The following MEIS1 variants were observed in gnomAD, a reference collection of about 807,000 sequenced individuals.
MEIS1 encodes the protein homeobox protein Meis1.
MEIS1 carries 5 observed loss-of-function variants against 50.8 expected under a neutral mutation model. That is an observed-to-expected ratio of 0.10 (90% confidence interval 0.05 to 0.21). The LOEUF is 0.21. Among genes scored for constraint, MEIS1 ranks in the 10% least tolerant of loss-of-function variants. MEIS1 has a pLI of 1.00. For synonymous variants in MEIS1, 176 were observed against 179.3 expected (o/e 0.98, Z 0.15); for missense variants, 318 against 517.3 (o/e 0.61, Z 3.74).
At position 66,515,337 on chromosome 2, in the gene MEIS1, A is replaced by G. The variant is rs548735698; in HGVS notation, c.888+3043A>G. ...TTCACTGGGTTTATTCAGTGAAAAA[A>G]TCTGCCCTTGAAAAGGCTTTAAAGC... On this transcript the variant is annotated intron_variant, in intron 8 of 12. Transcript: ENST00000272369. Among the ~76,000 whole-genome samples, 3 of 152,308 alleles carry G rather than the reference A, an allele frequency of 2.0e-5. No individual in the cohort carries two copies. The South Asian group carries it at 6.2e-4, about 32-fold the overall frequency.
intron 7 of MEIS1, among the ~76,000 whole-genome samples, chr2:66,469,685 C>T (rs567308766): frequency 6.6e-6 from 1 of 152,274 alleles, no homozygotes; most frequent in East Asian, 1.9e-4. Flanking sequence ...TTGACCTTTG[C>T]CCTTTATTGA....
intron 3 of MEIS1, 124 bp from the exon 4 acceptor site, chr2:66,440,438 G>A: frequency 1.2e-6 from 1 of 816,848 alleles, no homozygotes; most frequent in South Asian, 1.5e-5. Flanking sequence ...GGTCCCTCCC[G>A]GAGGGTTACT....
chr2:66,520,615 A>G (rs943166787), intron 8 of MEIS1, among the ~76,000 whole-genome samples: 1 of 152,240 alleles, frequency 6.6e-6, no homozygotes, highest in African/African-American at 2.4e-5. Flanking sequence ...AAATTCAGCT[A>G]TTAATTGCTT....
chr2:66,554,118 T>G (rs1674992815), intron 9 of MEIS1, among the ~76,000 whole-genome samples: 1 of 152,198 alleles, frequency 6.6e-6, no homozygotes, highest in Non-Finnish European at 1.5e-5. Flanking sequence ...GTCGGGACCC[T>G]GTAGGGTTGG....
chr2:66,483,217 TTTTTTTTTTTTTGTC>T (rs1163057147), intron 7 of MEIS1, among the ~76,000 whole-genome samples: 21 of 100,034 alleles, frequency 2.1e-4, no homozygotes, highest in African/African-American at 7.8e-4. Context: ...GTTATGCTTA[TTTTTTTTTTTTTGTC>T]TTTTTTTTTT....
rs181509717 is a variant in MEIS1, at chr2:66,542,110, T to C, written c.889-5833T>C. ...AGAAGTTTTATAGGCAAAAAACCAT[T>C]ATGTTAAACAAATATAAATATATTT... On this transcript the variant is annotated intron_variant, in intron 8 of 12. Transcript: ENST00000272369. 2.4e-4 allele frequency among the ~76,000 whole-genome samples: 37 copies of C among 152,286 alleles called. 1 individual carries two copies. Among genetic ancestry groups the C allele is most frequent in the African/African-American group, 8.7e-4 (36 of 41,562 alleles).
At chr2:66,452,952 A>G (rs890410192) in intron 6 of MEIS1, among the ~76,000 whole-genome samples, 10 of 152,040 alleles carry the variant, frequency 6.6e-5, no homozygotes, top group African/African-American at 2.4e-4. Context: ...CTAGTGTTCA[A>G]TTTTTTTATT....
chr2:66,488,140 T>G (rs17032119), intron 7 of MEIS1, among the ~76,000 whole-genome samples: 15,819 of 152,258 alleles, frequency 0.1, 965 homozygotes, highest in South Asian at 0.26. Context: ...TTACTAAAAT[T>G]TCCCAGTGAT....
intron 6 of MEIS1, among the ~76,000 whole-genome samples, chr2:66,458,100 C>A (rs994861221): frequency 1.3e-5 from 2 of 152,106 alleles, no homozygotes; most frequent in Non-Finnish European, 2.9e-5. Context: ...GATCATCAGA[C>A]TCTCAATTAT....
At chr2:66,510,187 G>T (rs1009898627) in intron 7 of MEIS1, among the ~76,000 whole-genome samples, 1 of 152,088 alleles carries the variant, frequency 6.6e-6, no homozygotes, top group African/African-American at 2.4e-5. Context: ...ATTTTATATG[G>T]TAAACTGCTT....
At chr2:66,486,508 G>A (rs889632816) in intron 7 of MEIS1, among the ~76,000 whole-genome samples, 2 of 152,158 alleles carry the variant, frequency 1.3e-5, no homozygotes, top group African/African-American at 4.8e-5. Context: ...TAGCCTTGTA[G>A]CATAGTTTGA....
At chr2:66,539,529 A>G (rs994720961) in intron 8 of MEIS1, among the ~76,000 whole-genome samples, 1 of 152,154 alleles carries the variant, frequency 6.6e-6, no homozygotes, top group Admixed American at 6.5e-5. Context: ...CAGCTCTACT[A>G]CTTACCAGCT....
intron 6 of MEIS1, among the ~76,000 whole-genome samples, chr2:66,463,184 G>A (rs1194268201): frequency 6.6e-6 from 1 of 151,298 alleles, no homozygotes; most frequent in Admixed American, 6.6e-5. Flanking sequence ...TTGAAATGAT[G>A]TATACATATT....
intron 7 of MEIS1, among the ~76,000 whole-genome samples, chr2:66,473,335 G>A (rs1672807816): frequency 7.2e-6 from 1 of 138,712 alleles, no homozygotes; most frequent in East Asian, 2.1e-4. Flanking sequence ...CCGAGATTGT[G>A]CCATTGCACT....
At chr2:66,460,574 A>G (rs1427099893) in intron 6 of MEIS1, among the ~76,000 whole-genome samples, 3 of 152,194 alleles carry the variant, frequency 2.0e-5, no homozygotes, top group African/African-American at 7.2e-5. Flanking sequence ...TTATATATCG[A>G]TCAAGAAGAA....
intron 4 of MEIS1, 30 bp downstream of exon 4, chr2:66,440,642 G>A (rs765163412): frequency 3.8e-6 from 5 of 1,321,098 alleles, no homozygotes; most frequent in Middle Eastern, 2.3e-4. Context: ...TCCCTCCCCC[G>A]CCCCCGACCC....
rs185757480 is a variant in MEIS1, at chr2:66,465,779, G to A, written c.742+1559G>A. Among the ~76,000 whole-genome samples the A allele has an allele frequency of 5.2e-3, 797 of 152,238 alleles. 5 individuals carry two copies. Among genetic ancestry groups the A allele is most frequent in the African/African-American group, 0.018 (747 of 41,546 alleles). ...TTGAATTTAAAATTGTAATGCATCT[G>A]TTTTCTCAAACATAGTATGATAAGA... On this transcript the variant is annotated intron_variant, in intron 7 of 12. Transcript: ENST00000272369.
At chr2:66,519,419 C>T (rs4300816) in intron 8 of MEIS1, among the ~76,000 whole-genome samples, 35,088 of 151,768 alleles carry the variant, frequency 0.23, 5,037 homozygotes, top group Non-Finnish European at 0.32. Flanking sequence ...GTGCAGAGTC[C>T]GGAGTGTGGG....
At chr2:66,549,507 T>C (rs535818198) in intron 9 of MEIS1, among the ~76,000 whole-genome samples, 8 of 152,124 alleles carry the variant, frequency 5.3e-5, no homozygotes, top group Admixed American at 1.3e-4. Flanking sequence ...ATTTGAAATA[T>C]GAAATTTCAA....
Sources: gnomAD v4.1 joint callset for allele counts (sites outside exome capture counted in the v4.1 genomes callset) on GRCh38, gnomAD v4.1.1 for gene constraint, MANE v1.5 for transcripts, NCBI Gene and HGNC (gene_info 2026-07-23, HGNC 2026-07-21) for gene names.